Variants in TCEANC2 observed in about 807,000 individuals in gnomAD.
TCEANC2 encodes transcription elongation factor A N-terminal and central domain containing 2.
In TCEANC2, 20 loss-of-function variants were observed where a neutral mutation model predicts 22.8. That is an observed-to-expected ratio of 0.88 (90% CI 0.62 to 1.28). TCEANC2 has a LOEUF of 1.28. Ranked by LOEUF, TCEANC2 falls within the 50% of genes most tolerant of loss-of-function variation. The probability of loss-of-function intolerance (pLI) is 0.00; values close to 1 mark genes in which losing one functional copy is unlikely to be tolerated. For missense variants in TCEANC2, 251 were observed against 249.7 expected, an observed-to-expected ratio of 1.01 and a Z score of -0.03; for synonymous variants, 84 against 95.5, an observed-to-expected ratio of 0.88 and a Z score of 0.70.
chr1:54,071,714 C>G (rs1339662254), intron 3 of TCEANC2, among the ~76,000 whole-genome samples: 1 of 152,146 alleles, frequency 6.6e-6, no homozygotes, highest in Non-Finnish European at 1.5e-5. Flanking sequence ...AGACTGGCTA[C>G]CATAGCCTGT....
downstream of TCEANC2, among the ~76,000 whole-genome samples, chr1:54,107,604 C>T (rs560932683): frequency 1.6e-3 from 245 of 152,228 alleles, no homozygotes; most frequent in Non-Finnish European, 2.3e-3. Context: ...CCTTCTCTGC[C>T]ATTTAATTTT....
At chr1:54,080,379 T>C (rs1261783633) in intron 3 of TCEANC2, among the ~76,000 whole-genome samples, 1 of 152,174 alleles carries the variant, frequency 6.6e-6, no homozygotes, top group East Asian at 1.9e-4. Context: ...CCTGGCCTCA[T>C]GTGATCTCCC....
At chr1:54,080,292 C>T (rs963194790) in intron 3 of TCEANC2, among the ~76,000 whole-genome samples, 2 of 151,852 alleles carry the variant, frequency 1.3e-5, no homozygotes, top group Non-Finnish European at 1.5e-5. Flanking sequence ...TACAGGCGTG[C>T]ACCACCATGC....
chr1:54,086,255 C>A, intron 3 of TCEANC2, among the ~76,000 whole-genome samples: 1 of 152,160 alleles, frequency 6.6e-6, no homozygotes, highest in East Asian at 1.9e-4. Context: ...TAGGGGATTT[C>A]TTGCATAGCT....
exon 5 of TCEANC2, chr1:54,112,199 CAACAACA>C (rs1658850942): frequency 6.6e-6 from 1 of 151,784 alleles, no homozygotes; most frequent in Non-Finnish European, 1.5e-5. Context: ...ACAACAACAA[CAACAACA>C]ACAACAACAA....
intron 3 of TCEANC2, among the ~76,000 whole-genome samples, chr1:54,085,483 T>G (rs1304068480): frequency 6.6e-6 from 1 of 152,230 alleles, no homozygotes; most frequent in Non-Finnish European, 1.5e-5. Flanking sequence ...GACCTTCATT[T>G]TTTAAAATTC....
In TCEANC2 at chr1:54,088,711, T is replaced by C. The variant is rs200057608; in HGVS notation, c.359T>C (p.Ile120Thr). ...FTEKHSNRPS[I>T]EVRSDPKTES... ...GAAAAACATTCAAATAGACCTTCTATTGAAGTTAGAAGTGATCCCAAAACC... is the reference window on the plus strand; with the variant it reads ...GAAAAACATTCAAATAGACCTTCTACTGAAGTTAGAAGTGATCCCAAAACC... Residue 120 changes from isoleucine to threonine, a missense_variant, in exon 4 of 5, where the codon ATT becomes ACT. Transcript: ENST00000234827. The C allele has an allele frequency of 4.4e-5, 71 of 1,611,248 alleles. No homozygotes were observed. Among genetic ancestry groups the C allele is most frequent in the Non-Finnish European group, 5.8e-5 (68 of 1,178,996 alleles).
chr1:54,078,688 G>A (rs1285942043), intron 3 of TCEANC2, among the ~76,000 whole-genome samples: 1 of 152,152 alleles, frequency 6.6e-6, no homozygotes, highest in Non-Finnish European at 1.5e-5. Context: ...TTATTTGGAA[G>A]TCATCTGCCA....
chr1:54,091,590 C>A (rs12094252), intron 4 of TCEANC2, among the ~76,000 whole-genome samples: 3,771 of 152,274 alleles, frequency 0.025, 102 homozygotes, highest in Middle Eastern at 0.078. Flanking sequence ...TAATAACGCA[C>A]AGCCTAAAGG....
intron 4 of TCEANC2, among the ~76,000 whole-genome samples, chr1:54,095,857 G>A (rs1658537011): frequency 6.6e-6 from 1 of 152,070 alleles, no homozygotes; most frequent in Non-Finnish European, 1.5e-5. Context: ...AGTGATTTTT[G>A]AACTGTTCTG....
chr1:54,056,184 G>A (rs1657748435), intron 2 of TCEANC2, among the ~76,000 whole-genome samples: 1 of 152,114 alleles, frequency 6.6e-6, no homozygotes, highest in Non-Finnish European at 1.5e-5. Context: ...ATGGATAATT[G>A]TACATAGCAA....
rs1181639264 is a variant in TCEANC2, at chr1:54,073,609, C to T, written c.244+4712C>T. Among the ~76,000 whole-genome samples the T allele has an allele frequency of 2.6e-5, 4 of 152,198 alleles. No homozygotes were observed. In the East Asian group the frequency reaches 5.8e-4, roughly 22 times the overall value. On this transcript the variant is annotated intron_variant, in intron 3 of 4. Transcript: ENST00000234827. Reference sequence around the variant, plus strand: ...GCAGTGAAAGAGTAGCTTTAGTCCGCCATAAAGCTTGAGAGTTTGCTCTTT... The same window carrying T: ...GCAGTGAAAGAGTAGCTTTAGTCCGTCATAAAGCTTGAGAGTTTGCTCTTT...
At chr1:54,108,188 C>T (rs1055575361), downstream of TCEANC2, among the ~76,000 whole-genome samples, 8 of 152,278 alleles carry the variant, frequency 5.3e-5, no homozygotes, top group South Asian at 6.2e-4. Context: ...TTTTCTCCAG[C>T]GGCTGAAGGC....
intron 2 of TCEANC2, among the ~76,000 whole-genome samples, chr1:54,061,633 C>T (rs1657858801): frequency 6.6e-6 from 1 of 151,976 alleles, no homozygotes; most frequent in African/African-American, 2.4e-5. Context: ...AGATGAAAAA[C>T]TAAGGCACAG....
rs1305256774 is a variant in TCEANC2, at chr1:54,098,091, C to T, written c.*1618C>T. 1.3e-5 allele frequency: 2 copies of T among 152,188 alleles called. No homozygotes were observed. The highest frequency in any genetic ancestry group is 4.8e-5 in the African/African-American group (2 of 41,448). The allele number at this position is 152,188 out of a possible 1,614,324, so 9.4% of individuals were successfully genotyped here. A position where few individuals can be genotyped will look rare whatever the true frequency, so the allele number is the denominator to read the frequency against. The stretch of plus-strand genomic sequence containing the variant: ...CATGTTTTCAAGCATCATTTACATG[C>T]TGATGACATTCCAGTTTGTATCGTC... On this transcript the variant is annotated 3_prime_UTR_variant, in exon 5 of 5. Transcript: ENST00000234827.
At chr1:54,070,738 G>C (rs1388621717) in intron 3 of TCEANC2, among the ~76,000 whole-genome samples, 2 of 152,156 alleles carry the variant, frequency 1.3e-5, no homozygotes, top group Non-Finnish European at 2.9e-5. Flanking sequence ...TCAACCTTTA[G>C]TCTTCCTGCC....
intron 2 of TCEANC2, among the ~76,000 whole-genome samples, chr1:54,057,480 T>A (rs1488803053): frequency 6.7e-6 from 1 of 149,790 alleles, no homozygotes; most frequent in East Asian, 2.0e-4. Context: ...CATGAGCCAC[T>A]ACGCCTGGCC....
chr1:54,093,470 T>C (rs2100385876), intron 4 of TCEANC2, among the ~76,000 whole-genome samples: 1 of 152,324 alleles, frequency 6.6e-6, no homozygotes, highest in South Asian at 2.1e-4. Flanking sequence ...CTCCATTTCT[T>C]AATTCTGATT....
intron 2 of TCEANC2, among the ~76,000 whole-genome samples, chr1:54,066,225 G>A (rs1350852060): frequency 6.6e-6 from 1 of 151,940 alleles, no homozygotes; most frequent in Non-Finnish European, 1.5e-5. Flanking sequence ...CACCCAGCCT[G>A]TGCAACAGAG....
Sources: gnomAD v4.1 joint callset for allele counts (sites outside exome capture counted in the v4.1 genomes callset) on GRCh38, gnomAD v4.1.1 for gene constraint, MANE v1.5 for transcripts, NCBI Gene and HGNC (gene_info 2026-07-23, HGNC 2026-07-21) for gene names.